The following HACE1 variants were observed in gnomAD, a reference collection of about 807,000 sequenced individuals.
The protein encoded by HACE1 is HECT domain and ankyrin repeat containing E3 ubiquitin protein ligase 1.
In HACE1, 73 loss-of-function variants were observed where a neutral mutation model predicts 118.4. That is an observed-to-expected ratio of 0.62 (90% confidence interval 0.51 to 0.75). HACE1 has a LOEUF of 0.75. Among genes scored for constraint, HACE1 ranks in the 30% least tolerant of loss-of-function variants. The probability of loss-of-function intolerance (pLI) is 0.00; values close to 1 mark genes in which losing one functional copy is unlikely to be tolerated. For missense variants in HACE1, 749 were observed against 1,102.2 expected (o/e 0.68, Z 4.54); for synonymous variants, 368 against 374.8 (o/e 0.98, Z 0.21).
In HACE1 at chr6:104,796,801, T is replaced by C. The variant is rs186779926; in HGVS notation, c.715-45A>G. The C allele has an allele frequency of 1.3e-5, 16 of 1,219,820 alleles. No homozygotes were observed. The East Asian group carries it at 3.7e-4, about 28-fold the overall frequency. 75.6% of individuals were successfully genotyped at this position (1,219,820 alleles called of 1,614,324 possible). A position where few individuals can be genotyped will look rare whatever the true frequency, so the allele number is the denominator to read the frequency against. On this transcript the variant is annotated intron_variant, in intron 8 of 23. Transcript: ENST00000262903. ...TTATCCAGGTTTAAAAACAGTCCCT[T>C]TTAAAGTTCATATTCTTCACACAAT...
At chr6:104,782,148 C>T (rs1435871802) in intron 14 of HACE1, among the ~76,000 whole-genome samples, 1 of 152,166 alleles carries the variant, frequency 6.6e-6, no homozygotes, top group Non-Finnish European at 1.5e-5. Flanking sequence ...CTTCTTTCAC[C>T]TATTATCTCA....
At chr6:104,761,928 C>G (rs899789690) in intron 19 of HACE1, among the ~76,000 whole-genome samples, 7 of 152,198 alleles carry the variant, frequency 4.6e-5, no homozygotes, top group African/African-American at 1.4e-4. Flanking sequence ...CATTTATGCA[C>G]CCAACAGACA....
chr6:104,846,854 A>G (rs1775718365), intron 4 of HACE1, among the ~76,000 whole-genome samples: 1 of 152,256 alleles, frequency 6.6e-6, no homozygotes, highest in Non-Finnish European at 1.5e-5. Context: ...TCCACTCAAT[A>G]AATAATAAAA....
chr6:104,859,171 G>A (rs558401314), intron 1 of HACE1, among the ~76,000 whole-genome samples: 32 of 152,200 alleles, frequency 2.1e-4, no homozygotes, highest in African/African-American at 7.5e-4. Context: ...GCAGCTTAAA[G>A]TAAACAGTAT....
At chr6:104,738,008 TC>T (rs1326271836) in intron 22 of HACE1, among the ~76,000 whole-genome samples, 1 of 152,006 alleles carries the variant, frequency 6.6e-6, no homozygotes. Context: ...CTCAAGTGGG[TC>T]CCTGACCCCC....
At chr6:104,785,842 A>C (rs1470855174) in intron 11 of HACE1, 1 of 153,516 alleles carries the variant, frequency 6.5e-6, no homozygotes, top group East Asian at 1.9e-4. Flanking sequence ...AAAAATGAGA[A>C]TCCCTAAAGA....
chr6:104,731,700 A>T (rs1295349962), intron 22 of HACE1: 1 of 152,088 alleles, frequency 6.6e-6, no homozygotes. Context: ...CTTTACACTA[A>T]GTTACTTAAA....
intron 14 of HACE1, among the ~76,000 whole-genome samples, chr6:104,781,444 A>G (rs1433128332): frequency 6.6e-6 from 1 of 152,140 alleles, no homozygotes; most frequent in Non-Finnish European, 1.5e-5. Context: ...TTCATTGAGA[A>G]TGGCACTGAG....
intron 17 of HACE1, among the ~76,000 whole-genome samples, 179 bp downstream of exon 17, chr6:104,776,562 A>G (rs1489474540): frequency 6.6e-6 from 1 of 152,240 alleles, no homozygotes; most frequent in Non-Finnish European, 1.5e-5. Flanking sequence ...TTATGATTCT[A>G]CTACTTATTA....
At position 104,742,711 on chromosome 6, in the gene HACE1, G is replaced by C. The variant is rs867897968; in HGVS notation, c.2513+1449C>G. ...AAACAGGAACACTTTTACACTGTTG[G>C]TGGGACTGTAAACTAGTTCAACCAT... On this transcript the variant is annotated intron_variant, in intron 22 of 23. Transcript: ENST00000262903. Among the ~76,000 whole-genome samples the C allele has an allele frequency of 7.2e-3, 1,084 of 151,400 alleles. 18 individuals are homozygous for C. Among genetic ancestry groups the C allele is most frequent in the African/African-American group, 0.025 (1,023 of 40,874 alleles).
chr6:104,762,557 G>A (rs1025139140), intron 19 of HACE1, among the ~76,000 whole-genome samples: 1 of 152,098 alleles, frequency 6.6e-6, no homozygotes, highest in Non-Finnish European at 1.5e-5. Flanking sequence ...CTGAGGGTGG[G>A]GGGCTAGAGG....
chr6:104,786,615 A>AC (rs1782437353), intron 11 of HACE1: 2 of 147,914 alleles, frequency 1.4e-5, no homozygotes, highest in South Asian at 2.1e-4. Context: ...AAAAAAAAAA[A>AC]AAAAACAAAC....
chr6:104,729,974 T>C (rs1309437946), intron 23 of HACE1, among the ~76,000 whole-genome samples: 3 of 152,110 alleles, frequency 2.0e-5, no homozygotes, highest in Admixed American at 1.3e-4. Flanking sequence ...TGGAAGAAAA[T>C]ACGTTCCTTT....
chr6:104,807,761 T>A (rs1395388432), intron 7 of HACE1, among the ~76,000 whole-genome samples: 2 of 152,066 alleles, frequency 1.3e-5, no homozygotes, highest in African/African-American at 4.8e-5. Context: ...AGTTAATTAG[T>A]TATATAGTTT....
intron 4 of HACE1, among the ~76,000 whole-genome samples, chr6:104,846,786 T>C (rs923561038): frequency 2.0e-5 from 3 of 152,186 alleles, no homozygotes; most frequent in African/African-American, 7.2e-5. Flanking sequence ...CATCAGCCAC[T>C]ACAGGAAGTA....
chr6:104,774,934 A>G (rs905216816), intron 17 of HACE1, among the ~76,000 whole-genome samples: 2 of 152,212 alleles, frequency 1.3e-5, no homozygotes, highest in Admixed American at 6.5e-5. Context: ...TGATTCCTAT[A>G]TGTAATTCTC....
chr6:104,812,504 T>A (rs546286192), intron 6 of HACE1, among the ~76,000 whole-genome samples: 3 of 152,300 alleles, frequency 2.0e-5, no homozygotes, highest in African/African-American at 7.2e-5. Flanking sequence ...TGAACACATC[T>A]GTTCATCTTT....
chr6:104,853,322 C>T (rs978673041), intron 1 of HACE1, among the ~76,000 whole-genome samples: 2 of 152,208 alleles, frequency 1.3e-5, no homozygotes, highest in East Asian at 3.9e-4. Flanking sequence ...AGAAAACAGG[C>T]TAAGAGAGAC....
intron 19 of HACE1, among the ~76,000 whole-genome samples, chr6:104,756,529 TC>T (rs1343122345): frequency 6.6e-6 from 1 of 151,920 alleles, no homozygotes; most frequent in Non-Finnish European, 1.5e-5. Context: ...TACTTCAGCT[TC>T]CTTGAGACAA....
Sources: allele counts gnomAD v4.1 joint callset (sites outside exome capture counted in the v4.1 genomes callset), GRCh38; gene constraint gnomAD v4.1.1; transcripts MANE v1.5; gene names NCBI Gene and HGNC (gene_info 2026-07-23, HGNC 2026-07-21).